Variants in KCNMA1 observed in about 807,000 individuals in gnomAD.
The protein encoded by KCNMA1 is potassium calcium-activated channel subfamily M alpha 1.
Under a neutral mutation model 140.0 loss-of-function variants are expected in KCNMA1, and 29 were observed. That is an observed-to-expected ratio of 0.21 (90% CI 0.15 to 0.28). The LOEUF is 0.28. Ranked by LOEUF, KCNMA1 falls within the 10% of genes least tolerant of loss-of-function variation. The pLI is 1.00. For synonymous variants in KCNMA1, 612 were observed against 611.9 expected (o/e 1.00, Z 0.00); for missense variants, 880 against 1,602.2 (o/e 0.55, Z 7.70).
intron 21 of KCNMA1, 37 bp from the exon 22 acceptor site, chr10:76,949,403 G>A: frequency 6.7e-7 from 1 of 1,495,972 alleles, no homozygotes; most frequent in Non-Finnish European, 9.3e-7. Flanking sequence ...TCAGAGAGAA[G>A]ACTGCATAGG....
rs532693510 is a variant in KCNMA1 at position 77,203,092 on chromosome 10, G to A, written c.603-18176C>T. On this transcript the variant is annotated intron_variant, in intron 3 of 27. Transcript: ENST00000286628. ...TGCAAGTGGCTTGGGCTTTTAAGAA[G>A]TCTGGAAGTACCATCTTTTTCTTGC... Among the ~76,000 whole-genome samples, 443 of 152,292 alleles carry A rather than the reference G, an allele frequency of 2.9e-3. 2 individuals carry two copies. Among genetic ancestry groups the A allele is most frequent in the Admixed American group, 5.4e-3 (82 of 15,286 alleles).
At chr10:77,450,959 T>G (rs910205875) in intron 1 of KCNMA1, among the ~76,000 whole-genome samples, 2 of 151,818 alleles carry the variant, frequency 1.3e-5, no homozygotes, top group Non-Finnish European at 2.9e-5. Flanking sequence ...TTAAGGGGAG[T>G]TCCCCTGCAC....
At chr10:77,507,784 C>A (rs1306100057) in intron 1 of KCNMA1, among the ~76,000 whole-genome samples, 1 of 152,224 alleles carries the variant, frequency 6.6e-6, no homozygotes, top group African/African-American at 2.4e-5. Flanking sequence ...AGCTGCATGA[C>A]CTTTCTGGAA....
chr10:77,031,902 C>T (rs1425823813), intron 15 of KCNMA1, among the ~76,000 whole-genome samples: 2 of 152,186 alleles, frequency 1.3e-5, no homozygotes, highest in African/African-American at 2.4e-5. Flanking sequence ...AGTAGAATCT[C>T]ATGACTGGCT....
At chr10:77,289,476 A>C (rs1424461653) in intron 2 of KCNMA1, among the ~76,000 whole-genome samples, 3 of 152,236 alleles carry the variant, frequency 2.0e-5, no homozygotes, top group Non-Finnish European at 4.4e-5. Flanking sequence ...ACAAGGTGTC[A>C]GCATCTGGGA....
At chr10:77,049,059 C>T (rs1360172364) in intron 14 of KCNMA1, among the ~76,000 whole-genome samples, 2 of 152,154 alleles carry the variant, frequency 1.3e-5, no homozygotes, top group Non-Finnish European at 2.9e-5. Flanking sequence ...CCACCGCGCC[C>T]GGCCAGAACG....
intron 2 of KCNMA1, among the ~76,000 whole-genome samples, chr10:77,264,740 T>C (rs933354373): frequency 5.3e-5 from 8 of 152,210 alleles, no homozygotes; most frequent in African/African-American, 1.7e-4. Context: ...TTACGGTCTC[T>C]TGCTGTCATA....
At chr10:77,133,614 G>A (rs1432841342) in intron 5 of KCNMA1, among the ~76,000 whole-genome samples, 4 of 139,084 alleles carry the variant, frequency 2.9e-5, no homozygotes, top group African/African-American at 9.8e-5. Context: ...CAAAGAATGT[G>A]TAACAAAAAA....
chr10:77,137,773 C>A (rs1157163887), intron 5 of KCNMA1, among the ~76,000 whole-genome samples: 1 of 152,112 alleles, frequency 6.6e-6, no homozygotes, highest in Non-Finnish European at 1.5e-5. Context: ...GGTTGTTTTG[C>A]TCCCTACTTT....
chr10:77,530,636 A>G (rs538718641), intron 1 of KCNMA1, among the ~76,000 whole-genome samples: 33 of 152,260 alleles, frequency 2.2e-4, no homozygotes, highest in African/African-American at 7.9e-4. Context: ...TGCCCCAAAC[A>G]TTCCTTGTAC....
At chr10:76,958,113 T>G (rs897169725) in intron 20 of KCNMA1, among the ~76,000 whole-genome samples, 3 of 152,146 alleles carry the variant, frequency 2.0e-5, no homozygotes, top group Non-Finnish European at 1.5e-5. Context: ...ACTGCTGTGA[T>G]CCAGGGAGAC....
At chr10:77,087,858 A>G (rs1268651023) in intron 10 of KCNMA1, among the ~76,000 whole-genome samples, 2 of 152,150 alleles carry the variant, frequency 1.3e-5, no homozygotes, top group Non-Finnish European at 2.9e-5. Context: ...CATAATGACA[A>G]TAATAATAAT....
chr10:77,141,019 C>A (rs1412587772), intron 5 of KCNMA1, among the ~76,000 whole-genome samples: 1 of 152,066 alleles, frequency 6.6e-6, no homozygotes, highest in Non-Finnish European at 1.5e-5. Context: ...AGGAGGATTC[C>A]CTTAGAGGAT....
At chr10:77,514,920 G>A (rs1468216965) in intron 1 of KCNMA1, among the ~76,000 whole-genome samples, 2 of 151,382 alleles carry the variant, frequency 1.3e-5, no homozygotes, top group Non-Finnish European at 2.9e-5. Context: ...TTTTTTTCCA[G>A]TAATACAGCC....
At chr10:77,271,530 G>T (rs1407311347) in intron 2 of KCNMA1, among the ~76,000 whole-genome samples, 1 of 152,192 alleles carries the variant, frequency 6.6e-6, no homozygotes, top group African/African-American at 2.4e-5. Context: ...TCTGACAGAG[G>T]AGCCGAAGAT....
chr10:77,566,498 C>G (rs2068370467), intron 1 of KCNMA1, among the ~76,000 whole-genome samples: 1 of 152,232 alleles, frequency 6.6e-6, no homozygotes, highest in Non-Finnish European at 1.5e-5. Context: ...GCACTGAGTT[C>G]CAAGGCTGGC....
intron 1 of KCNMA1, among the ~76,000 whole-genome samples, chr10:77,460,709 C>T (rs1029693749): frequency 2.6e-5 from 4 of 152,106 alleles, no homozygotes; most frequent in Non-Finnish European, 5.9e-5. Context: ...CCCATGTTGT[C>T]ACTTATAAGT....
chr10:77,174,594 A>T (rs765647844), intron 5 of KCNMA1, among the ~76,000 whole-genome samples: 47 of 152,338 alleles, frequency 3.1e-4, no homozygotes, highest in Middle Eastern at 3.4e-3. Context: ...GAGCTACCAT[A>T]CTGGACAGCA....
chr10:77,407,243 C>T (rs1031152447), intron 1 of KCNMA1, among the ~76,000 whole-genome samples: 2 of 152,292 alleles, frequency 1.3e-5, no homozygotes, highest in Non-Finnish European at 2.9e-5. Context: ...GCCAGACTAG[C>T]CACCAGGCTA....
Sources: allele counts gnomAD v4.1 joint callset (sites outside exome capture counted in the v4.1 genomes callset), GRCh38; gene constraint gnomAD v4.1.1; transcripts MANE v1.5; gene names NCBI Gene and HGNC (gene_info 2026-07-23, HGNC 2026-07-21).